The following BRCA2 variants were observed in gnomAD, a reference collection of about 807,000 sequenced individuals.
The protein encoded by BRCA2 is breast cancer type 2 susceptibility protein.
BRCA2 carries 203 observed loss-of-function variants against 276.7 expected under a neutral mutation model. The observed-to-expected ratio is 0.73, with a 90% CI of 0.65 to 0.82. The LOEUF (loss-of-function observed/expected upper bound fraction) is 0.82. BRCA2 is among the 40% of genes least tolerant of loss of function. The pLI, the probability that BRCA2 is intolerant of heterozygous loss-of-function variation, is 0.00. For synonymous variants in BRCA2, 1,289 were observed against 1,338.4 expected, an observed-to-expected ratio of 0.96 and a Z score of 0.81; for missense variants, 3,920 against 3,915.0, an observed-to-expected ratio of 1.00 and a Z score of -0.03.
rs117134513 is a variant in BRCA2 at position 32,359,302 on chromosome 13, A to G, written c.7805+1373A>G. Among the ~76,000 whole-genome samples, 2,741 of 152,014 alleles carry G rather than the reference A, an allele frequency of 0.018. 40 individuals are homozygous for G. Among genetic ancestry groups the G allele is most frequent in the East Asian group, 0.035 (182 of 5,178 alleles). ...TCCTCCCCCGACACACACTTACTTCATGTTTTCTTTCATTATATATTTTAA... is the reference window on the plus strand; with the variant it reads ...TCCTCCCCCGACACACACTTACTTCGTGTTTTCTTTCATTATATATTTTAA... On this transcript the variant is annotated intron_variant, in intron 16 of 26. Transcript: ENST00000380152.
At chr13:32,392,609 T>C (rs61487416) in intron 24 of BRCA2, among the ~76,000 whole-genome samples, 8 of 149,710 alleles carry the variant, frequency 5.3e-5, no homozygotes, top group African/African-American at 2.0e-4. Flanking sequence ...AAAAAAAAAT[T>C]ATAACTCTTT....
intron 13 of BRCA2, among the ~76,000 whole-genome samples, chr13:32,354,007 T>C (rs1238847059): frequency 6.6e-6 from 1 of 152,200 alleles, no homozygotes; most frequent in East Asian, 1.9e-4. Flanking sequence ...TGACTCACAT[T>C]AGCAAGGGAA....
intron 3 of BRCA2, among the ~76,000 whole-genome samples, chr13:32,323,411 C>T (rs1449222700): frequency 6.6e-6 from 1 of 152,154 alleles, no homozygotes; most frequent in African/African-American, 2.4e-5. Flanking sequence ...CCTCGGCCTC[C>T]CAAAGTGCTG....
chr13:32,387,365 A>G (rs2072967503), intron 24 of BRCA2, among the ~76,000 whole-genome samples: 1 of 152,178 alleles, frequency 6.6e-6, no homozygotes, highest in African/African-American at 2.4e-5. Flanking sequence ...ACTGGCGGGT[A>G]TAGGGTGAGG....
At position 32,340,567 on chromosome 13, in the gene BRCA2, G is replaced by C. The variant is rs80358861; in HGVS notation, c.6212G>C (p.Ser2071Thr). 1.2e-6 allele frequency: 2 copies of C among 1,612,376 alleles called. No homozygotes were observed. Among genetic ancestry groups the C allele is most frequent in the Non-Finnish European group, 1.7e-6 (2 of 1,179,120 alleles). The change falls in exon 11 of 27, where the codon AGT becomes ACT. Residue 2071 changes from serine (S) to threonine (T), a missense_variant. Transcript: ENST00000380152. ...ASGKQVSILESSLHKVKGVLE... is the reference protein window; with the variant it reads ...ASGKQVSILETSLHKVKGVLE... ...GGAAAGCAAGTTTCCATTTTAGAAA[G>C]TTCCTTACACAAAGTTAAGGGAGTG... is the stretch of plus-strand genomic sequence containing the variant.
At chr13:32,364,247 A>T (rs574324534) in intron 18 of BRCA2, among the ~76,000 whole-genome samples, 1 of 151,640 alleles carries the variant, frequency 6.6e-6, no homozygotes, top group East Asian at 1.9e-4. Context: ...GTTTTTTTTT[A>T]AATCAAATCA....
rs563889433 is a variant in BRCA2, at chr13:32,394,878, G to C, written c.9446G>C (p.Ser3149Thr). The C allele has an allele frequency of 6.2e-7, 1 of 1,614,066 alleles. No individual in the cohort carries two copies. Among genetic ancestry groups the C allele is most frequent in the South Asian group, 1.1e-5 (1 of 91,082 alleles). Residue 3149 changes from serine (S) to threonine (T), a missense_variant, in exon 25 of 27, where the codon AGT (serine) becomes ACT (threonine). Ser to Thr is a moderately conservative substitution (Grantham distance 58). Around this residue, in one of 2 missense-constraint regions of BRCA2, gnomAD observed 657 missense variants for 758.2 expected, o/e 0.87. Transcript: ENST00000380152. ...GGAGATTTTTCTGTGTTTTCTGCTA[G>C]TCCAAAAGAGGGCCACTTTCAAGAG... Reference protein sequence around the residue: ...FAGDFSVFSASPKEGHFQETF... With the variant: ...FAGDFSVFSATPKEGHFQETF...
chr13:32,356,723 G>A, intron 15 of BRCA2, 114 bp downstream of exon 15: 1 of 1,260,134 alleles, frequency 7.9e-7, no homozygotes, highest in Non-Finnish European at 1.1e-6. Context: ...TGCAGGAATG[G>A]ATGAATGAAA....
rs201500887 is a variant in BRCA2 at position 32,346,872 on chromosome 13, A to G, written c.6983A>G (p.Glu2328Gly). 6.2e-7 allele frequency: 1 copy of G among 1,610,646 alleles called. No individual in the cohort carries two copies. The highest frequency in any genetic ancestry group is 8.5e-7 in the Non-Finnish European group (1 of 1,178,190). ...RRLFMHHVSL[E>G]PITCVPFRTT... ...TTGTTTATGCATCATGTTTCTTTAG[A>G]GCCGATTACCTGTGTACCCTTTCGG... Residue 2328 changes from glutamate to glycine, a missense_variant, in exon 13 of 27, where the codon GAG becomes GGG. Glu to Gly is a moderately conservative substitution (Grantham distance 98, BLOSUM62 -2). Coordinates refer to ENST00000380152, the MANE Select transcript of BRCA2 (RefSeq NM_000059.4).
At chr13:32,317,393 T>A (rs569102221) in intron 2 of BRCA2, among the ~76,000 whole-genome samples, 1 of 152,340 alleles carries the variant, frequency 6.6e-6, no homozygotes, top group South Asian at 2.1e-4. Context: ...TTCACTTATC[T>A]GTGTCTAATC....
intron 24 of BRCA2, among the ~76,000 whole-genome samples, chr13:32,387,628 C>G: frequency 6.6e-6 from 1 of 152,198 alleles, no homozygotes; most frequent in Non-Finnish European, 1.5e-5. Flanking sequence ...GGCCTAAATC[C>G]CCTCCCTGTG....
At position 32,336,652 on chromosome 13, in the gene BRCA2, C is replaced by A. The variant is rs2072454625; in HGVS notation, c.2297C>A (p.Ala766Asp). 1 of 1,613,894 alleles carries A rather than the reference C, an allele frequency of 6.2e-7. No individual in the cohort carries two copies. Among genetic ancestry groups the A allele is most frequent in the Non-Finnish European group, 8.5e-7 (1 of 1,179,850 alleles). ...QKSLLYDHEN[A>D]STLILTPTSK... ...AGTCTTTTATATGATCATGAAAATGCCAGCACTCTTATTTTAACTCCTACT... is the reference window on the plus strand; with the variant it reads ...AGTCTTTTATATGATCATGAAAATGACAGCACTCTTATTTTAACTCCTACT... Residue 766 changes from alanine (A) to aspartate (D), a missense_variant, in exon 11 of 27, where the codon GCC becomes GAC. Coordinates refer to ENST00000380152, the MANE Select transcript of BRCA2 (RefSeq NM_000059.4).
At chr13:32,345,415 T>C (rs2072604599) in intron 12 of BRCA2, among the ~76,000 whole-genome samples, 1 of 152,118 alleles carries the variant, frequency 6.6e-6, no homozygotes, top group Non-Finnish European at 1.5e-5. Flanking sequence ...TTGGATTCCC[T>C]AAAATGGTTG....
At chr13:32,342,612 G>A (rs962253872) in intron 11 of BRCA2, among the ~76,000 whole-genome samples, 1 of 152,090 alleles carries the variant, frequency 6.6e-6, no homozygotes, top group Non-Finnish European at 1.5e-5. Flanking sequence ...TATATACCTA[G>A]GCTGTATGGT....
At chr13:32,323,962 T>C (rs1449849028) in intron 3 of BRCA2, among the ~76,000 whole-genome samples, 1 of 152,216 alleles carries the variant, frequency 6.6e-6, no homozygotes, top group East Asian at 1.9e-4. Context: ...CATTATTTTC[T>C]TAGAAAATGG....
rs876660803 is a variant in BRCA2, at chr13:32,394,691, C to T, written c.9259C>T (p.Leu3087Phe). ...CTTTTCTTTTTTTTCCATTCTAGGA[C>T]TTGCCCCTTTCGTCTATTTGTCAGA... ...FVVSVVKKTGLAPFVYLSDEC... is the reference protein window; with the variant it reads ...FVVSVVKKTGFAPFVYLSDEC... Residue 3087 changes from leucine (L) to phenylalanine (F), a missense_variant and splice_region_variant, in exon 25 of 27, where the codon CTT becomes TTT. Physicochemically the swap from Leu to Phe is conservative, Grantham distance 22. This residue lies in a region of BRCA2 where 657 missense variants were observed against 758.2 expected (regional missense o/e 0.87). Transcript: ENST00000380152. 6.2e-7 allele frequency: 1 copy of T among 1,612,944 alleles called. No homozygotes were observed. Among genetic ancestry groups the T allele is most frequent in the South Asian group, 1.1e-5 (1 of 90,936 alleles).
chr13:32,337,173 C>A lies in BRCA2; in HGVS notation c.2818C>A (p.Gln940Lys), dbSNP rs80358532. The change falls in exon 11 of 27, where the codon CAA becomes AAA. Residue 940 changes from glutamine to lysine, a missense_variant. Physicochemically the swap from Gln to Lys is moderately conservative, Grantham distance 53. Coordinates refer to ENST00000380152, the MANE Select transcript of BRCA2 (RefSeq NM_000059.4). Reference protein sequence around the residue: ...YGDTGDKQATQVSIKKDLVYV... With the variant: ...YGDTGDKQATKVSIKKDLVYV... ...AGACACAGGTGATAAACAAGCAACC[C>A]AAGTGTCAATTAAAAAAGATTTGGT... 1 of 1,613,580 alleles carries A rather than the reference C, an allele frequency of 6.2e-7. No homozygotes were observed. Among genetic ancestry groups the A allele is most frequent in the South Asian group, 1.1e-5 (1 of 91,004 alleles).
rs988021461 is a variant in BRCA2, at chr13:32,321,427, C to A, written c.316+2102C>A. 3.3e-5 allele frequency among the ~76,000 whole-genome samples: 5 copies of A among 152,106 alleles called. No individual in the cohort carries two copies. The East Asian group carries it at 9.6e-4, about 29-fold the overall frequency. Reference sequence around the variant, plus strand: ...TACCAAGTGCATGAAAAGTGAGCAGCCATCTCTGGTTGGTCAGAAAAAGCT... The same window carrying A: ...TACCAAGTGCATGAAAAGTGAGCAGACATCTCTGGTTGGTCAGAAAAAGCT... On this transcript the variant is annotated intron_variant, in intron 3 of 26. Transcript: ENST00000380152.
At chr13:32,363,093 T>TA (rs1440462364) in intron 17 of BRCA2, 86 bp from the exon 18 acceptor site, 1 of 1,141,978 alleles carries the variant, frequency 8.8e-7, no homozygotes, top group African/African-American at 1.6e-5. Flanking sequence ...ATTCAGTTTT[T>TA]ATTCTCAGTT....
Sources: gnomAD v4.1 joint callset for allele counts (sites outside exome capture counted in the v4.1 genomes callset) on GRCh38, gnomAD v4.1.1 for gene constraint, gnomAD v4.1.1 regional missense constraint, MANE v1.5 for transcripts, NCBI Gene and HGNC (gene_info 2026-07-23, HGNC 2026-07-21) for gene names.